ATP6V0A1: variants seen among roughly 807,000 people sequenced by gnomAD.
ATP6V0A1 encodes the protein V-type proton ATPase 116 kDa subunit a 1.
A neutral mutation model predicts 105.4 loss-of-function variants in ATP6V0A1; 43 were observed. That is an observed-to-expected ratio of 0.41 (90% CI 0.32 to 0.53). The LOEUF (loss-of-function observed/expected upper bound fraction) is 0.53, where lower values mean the gene tolerates loss of function less well. Ranked by LOEUF, ATP6V0A1 falls within the 20% of genes least tolerant of loss-of-function variation. The pLI, the probability that ATP6V0A1 is intolerant of heterozygous loss-of-function variation, is 0.30. For missense variants in ATP6V0A1, 676 were observed against 1,051.1 expected, an observed-to-expected ratio of 0.64 and a Z score of 4.93; for synonymous variants, 362 against 372.8, an observed-to-expected ratio of 0.97 and a Z score of 0.33.
intron 20 of ATP6V0A1, 154 bp from the exon 21 acceptor site, chr17:42,514,135 C>G (rs2092490995): frequency 7.9e-7 from 1 of 1,262,234 alleles, no homozygotes; most frequent in African/African-American, 1.5e-5. Flanking sequence ...AGGCTCAGCA[C>G]TTGTGCCAGG....
intron 17 of ATP6V0A1, among the ~76,000 whole-genome samples, chr17:42,503,603 C>G (rs552528307): frequency 6.6e-6 from 1 of 152,174 alleles, no homozygotes; most frequent in Non-Finnish European, 1.5e-5. Flanking sequence ...CTAATATATT[C>G]TAAGTTATGA....
chr17:42,505,722 T>A (rs1367712582), intron 17 of ATP6V0A1, among the ~76,000 whole-genome samples: 1 of 152,188 alleles, frequency 6.6e-6, no homozygotes, highest in Admixed American at 6.5e-5. Context: ...TTGATGGATG[T>A]GTTGGTTGTT....
intron 17 of ATP6V0A1, among the ~76,000 whole-genome samples, chr17:42,506,679 CTT>C (rs2092046595): frequency 6.6e-6 from 1 of 152,166 alleles, no homozygotes; most frequent in Admixed American, 6.5e-5. Flanking sequence ...ATCTGTGAGA[CTT>C]AACTCATTTC....
chr17:42,487,783 A>G (rs930346664), intron 10 of ATP6V0A1, among the ~76,000 whole-genome samples: 3 of 152,228 alleles, frequency 2.0e-5, no homozygotes, highest in African/African-American at 7.2e-5. Context: ...TGTCATTTTT[A>G]TGGCATTTCA....
chr17:42,461,286 G>A (rs2086366694), intron 2 of ATP6V0A1, among the ~76,000 whole-genome samples: 1 of 152,076 alleles, frequency 6.6e-6, no homozygotes, highest in Admixed American at 6.6e-5. Context: ...AAACTAACCT[G>A]ATCAAGGCTT....
intron 9 of ATP6V0A1, among the ~76,000 whole-genome samples, chr17:42,485,539 GTTTGT>G (rs369394543): frequency 0.01 from 1,579 of 151,490 alleles, 30 homozygotes; most frequent in African/African-American, 0.033. Flanking sequence ...TGTTTTGTTT[GTTTGT>G]TTTGTTTTGT....
At chr17:42,475,055 C>G (rs1249548343) in intron 5 of ATP6V0A1, among the ~76,000 whole-genome samples, 1 of 152,212 alleles carries the variant, frequency 6.6e-6, no homozygotes, top group Non-Finnish European at 1.5e-5. Flanking sequence ...ATAAAGAAGA[C>G]TGGAAAAGTA....
chr17:42,488,059 C>T (rs911098909), intron 10 of ATP6V0A1, among the ~76,000 whole-genome samples: 2 of 152,162 alleles, frequency 1.3e-5, no homozygotes, highest in African/African-American at 4.8e-5. Context: ...CTACTCTGTC[C>T]ACAGAAGTGC....
chr17:42,480,803 A>T (rs1016653668), intron 8 of ATP6V0A1, 54 bp downstream of exon 8: 1 of 1,516,424 alleles, frequency 6.6e-7, no homozygotes, highest in African/African-American at 1.4e-5. Context: ...CCAACTGTTG[A>T]GTCTTAAAGT....
chr17:42,508,385 T>C (rs1245046331), intron 18 of ATP6V0A1, among the ~76,000 whole-genome samples, 187 bp from the exon 19 acceptor site: 1 of 152,246 alleles, frequency 6.6e-6, no homozygotes, highest in Non-Finnish European at 1.5e-5. Flanking sequence ...TTAAAAAATA[T>C]GTATCTTAAT....
rs147191134 is a variant in ATP6V0A1 at position 42,474,751 on chromosome 17, A to G, written c.424-2909A>G. On this transcript the variant is annotated intron_variant, in intron 5 of 21. Coordinates refer to ENST00000343619, the MANE Select transcript of ATP6V0A1 (RefSeq NM_001130021.3). ...CCTTATTTTGTGTAATTTGGTGACTATAATCAATAATTCACAGTAATGAGT... is the reference window on the plus strand; with the variant it reads ...CCTTATTTTGTGTAATTTGGTGACTGTAATCAATAATTCACAGTAATGAGT... Among the ~76,000 whole-genome samples the G allele has an allele frequency of 4.1e-4, 63 of 152,370 alleles. 2 individuals carry two copies. The East Asian group carries it at 0.012, about 28-fold the overall frequency.
chr17:42,490,110 G>C (rs117118422), intron 10 of ATP6V0A1, among the ~76,000 whole-genome samples: 12 of 152,304 alleles, frequency 7.9e-5, no homozygotes, highest in East Asian at 7.7e-4. Flanking sequence ...AGGAGAGCCA[G>C]AGAACATACT....
chr17:42,514,693 G>A (rs573941668), intron 21 of ATP6V0A1, among the ~76,000 whole-genome samples: 30 of 152,312 alleles, frequency 2.0e-4, no homozygotes, highest in South Asian at 6.2e-4. Context: ...TGTCCCTGGT[G>A]AGTGGTGTCA....
chr17:42,475,243 A>G (rs982796505), intron 5 of ATP6V0A1, among the ~76,000 whole-genome samples: 5 of 152,250 alleles, frequency 3.3e-5, no homozygotes, highest in African/African-American at 1.2e-4. Context: ...TTGGTAATTG[A>G]CATAGCTTGA....
At chr17:42,519,652 G>A (rs2092759939) in intron 21 of ATP6V0A1, 1 of 152,204 alleles carries the variant, frequency 6.6e-6, no homozygotes, top group South Asian at 2.1e-4. Flanking sequence ...TAGTTTTGGT[G>A]GGGTGTTGGG....
chr17:42,459,513 C>T (rs2086153255), intron 1 of ATP6V0A1, among the ~76,000 whole-genome samples: 2 of 152,206 alleles, frequency 1.3e-5, no homozygotes, highest in Non-Finnish European at 1.5e-5. Flanking sequence ...TTCTGTTAGC[C>T]TCCATTGCTA....
At chr17:42,513,271 G>GA (rs1013916210) in intron 19 of ATP6V0A1, among the ~76,000 whole-genome samples, 3 of 151,124 alleles carry the variant, frequency 2.0e-5, no homozygotes, top group Admixed American at 6.6e-5. Context: ...ATCATGTAGG[G>GA]AAAAAAAAAT....
intron 14 of ATP6V0A1, 193 bp downstream of exon 14, chr17:42,495,909 C>T (rs1286674862): frequency 2.6e-5 from 13 of 506,462 alleles, no homozygotes; most frequent in Non-Finnish European, 4.6e-5. Flanking sequence ...CCTATCTCTA[C>T]TAAAAATAAA....
rs766991530 is a variant in ATP6V0A1, at chr17:42,514,447, C to T, written c.2407C>T (p.Leu803=). Residue 803 remains leucine, a synonymous_variant, in exon 21 of 22, where the codon CTG becomes TTG. Transcript: ENST00000343619. ...GGGCCTCTCGGCCTTTCTCCACGCACTGCGCTTACACTGGTGAGGGGCAGT... is the reference window on the plus strand; with the variant it reads ...GGGCCTCTCGGCCTTTCTCCACGCATTGCGCTTACACTGGTGAGGGGCAGT... ...MEGLSAFLHA[L]RLHWVEFQNK... 2.5e-6 allele frequency: 4 copies of T among 1,604,042 alleles called. No homozygotes were observed. In the African/African-American group the frequency reaches 5.4e-5, roughly 21 times the overall value.
Sources: gnomAD v4.1 joint callset for allele counts (sites outside exome capture counted in the v4.1 genomes callset) on GRCh38, gnomAD v4.1.1 for gene constraint, MANE v1.5 for transcripts, NCBI Gene and HGNC (gene_info 2026-07-23, HGNC 2026-07-21) for gene names.